DSPP: variants seen among roughly 807,000 people sequenced by gnomAD.
DSPP encodes dentin sialophosphoprotein.
In DSPP, 28 loss-of-function variants were observed where a neutral mutation model predicts 29.1. That is an observed-to-expected ratio of 0.96 (90% confidence interval 0.71 to 1.32). The LOEUF (loss-of-function observed/expected upper bound fraction) is 1.32, where lower values mean the gene tolerates loss of function less well. DSPP is among the 40% of genes most tolerant of loss of function. The probability of loss-of-function intolerance (pLI) is 0.00; values close to 1 mark genes in which losing one functional copy is unlikely to be tolerated. For missense variants in DSPP, 1,281 were observed against 1,629.9 expected (o/e 0.79, Z 3.69); for synonymous variants, 481 against 503.4 (o/e 0.96, Z 0.60).
In DSPP at chr4:87,614,807, T is replaced by A. The variant is rs1385738037; in HGVS notation, c.2145T>A (p.Ser715Arg). The A allele has an allele frequency of 9.7e-6, 15 of 1,549,098 alleles. No individual in the cohort carries two copies. Among genetic ancestry groups the A allele is most frequent in the Non-Finnish European group, 1.3e-5 (15 of 1,146,520 alleles). Residue 715 changes from serine to arginine, a missense_variant, in exon 5 of 5, where the codon AGT (serine) becomes AGA (arginine). Ser to Arg is a moderately radical substitution (Grantham distance 110). Around this residue, in one of 4 missense-constraint regions of DSPP, gnomAD observed 444 missense variants for 611.4 expected, o/e 0.73. Transcript: ENST00000651931. ...SDSSDSDSSD[S>R]SDSSNSNSSD... ...GCAGTGATAGTGACAGCAGTGATAG[T>A]AGTGACAGCAGTAATAGTAACAGCA...
Position 87,614,556 on chromosome 4 carries a change from G to C in DSPP, c.1894G>C (p.Asp632His). ...SKSDSSKSES[D>H]SSDSDSKSDS... ...GTCAGACAGCAGCAAATCAGAGAGC[G>C]ACAGCAGTGATAGTGACAGTAAGTC... The change falls in exon 5 of 5, where the codon GAC (aspartate) becomes CAC (histidine). Residue 632 changes from aspartate to histidine, a missense_variant. Asp to His is a moderately conservative substitution (Grantham distance 81, BLOSUM62 -1). Transcript: ENST00000651931. 3.2e-6 allele frequency: 5 copies of C among 1,550,122 alleles called. No homozygotes were observed. Among genetic ancestry groups the C allele is most frequent in the Non-Finnish European group, 4.4e-6 (5 of 1,146,486 alleles).
In DSPP at chr4:87,614,429, T is replaced by C; in HGVS notation, c.1767T>C (p.Asp589=). The C allele has an allele frequency of 6.4e-7, 1 of 1,555,522 alleles. No individual in the cohort carries two copies. Among genetic ancestry groups the C allele is most frequent in the East Asian group, 2.4e-5 (1 of 40,916 alleles). Residue 589 remains aspartate, a synonymous_variant, in exon 5 of 5, where the codon GAT becomes GAC. Coordinates refer to ENST00000651931, the MANE Select transcript of DSPP (RefSeq NM_014208.3). ...DSDSSDSDSS[D]SSDSDSSDSS... is the part of the protein sequence containing the mutation. Reference sequence around the variant, plus strand: ...ACAGCAGTGACAGTGACAGCAGTGATAGCAGTGACAGTGATAGTAGTGATA... The same window carrying C: ...ACAGCAGTGACAGTGACAGCAGTGACAGCAGTGACAGTGATAGTAGTGATA...
intron 1 of DSPP, among the ~76,000 whole-genome samples, chr4:87,610,124 A>G (rs1727707224): frequency 6.6e-6 from 1 of 152,174 alleles, no homozygotes; most frequent in East Asian, 1.9e-4. Context: ...AGCTTACAGG[A>G]AATCAGGGCA....
intron 1 of DSPP, among the ~76,000 whole-genome samples, chr4:87,610,255 T>G (rs2736979): frequency 0.26 from 39,915 of 152,066 alleles, 6,048 homozygotes; most frequent in East Asian, 0.57. Context: ...CAGAGAGGGC[T>G]TCTCAGAGAT....
Position 87,615,756 on chromosome 4 carries a change from G to A in DSPP, c.3094G>A (p.Asp1032Asn), listed in dbSNP as rs1389015805. The change falls in exon 5 of 5, where the codon GAC becomes AAC. Residue 1032 changes from aspartate (D) to asparagine (N), a missense_variant. Physicochemically the swap from Asp to Asn is conservative, Grantham distance 23 (BLOSUM62 1). Transcript: ENST00000651931. ...TAGCAGTGACAGCAGCAACAGCAGTGACAGCAGCGATAGCAGTGACAGCAG... is the reference window on the plus strand; with the variant it reads ...TAGCAGTGACAGCAGCAACAGCAGTAACAGCAGCGATAGCAGTGACAGCAG... ...SNSSDSSNSS[D>N]SSDSSDSSDS... 1.0e-5 allele frequency: 8 copies of A among 800,804 alleles called. No individual in the cohort carries two copies. In the East Asian group the frequency reaches 3.5e-4, roughly 35 times the overall value. The allele number at this position is 800,804 out of a possible 1,614,324, so 49.6% of individuals were successfully genotyped here.
At position 87,614,372 on chromosome 4, in the gene DSPP, C is replaced by CAGCAGTGATAGCAACAGT. The variant is rs1201598811; in HGVS notation, c.1722_1739dup (p.Asn575_Ser580dup). On this transcript the variant is annotated inframe_insertion, in exon 5 of 5. Coordinates refer to ENST00000651931, the MANE Select transcript of DSPP (RefSeq NM_014208.3). ...ATAGTAGTGACAGCAGTGACAGTGACAGCAGTGATAGCAACAGTAGCAGTG... is the reference window on the plus strand; with the variant it reads ...ATAGTAGTGACAGCAGTGACAGTGACAGCAGTGATAGCAACAGTAGCAGTGATAGCAACAGTAGCAGTG... The CAGCAGTGATAGCAACAGT allele has an allele frequency of 3.8e-6, 6 of 1,589,266 alleles. No individual in the cohort carries two copies. Among genetic ancestry groups the CAGCAGTGATAGCAACAGT allele is most frequent in the Non-Finnish European group, 4.3e-6 (5 of 1,168,050 alleles).
Position 87,613,994 on chromosome 4 carries a change from C to T in DSPP, c.1332C>T (p.Asp444=), listed in dbSNP as rs748858956. The T allele has an allele frequency of 6.2e-7, 1 of 1,614,162 alleles. No individual in the cohort carries two copies. Among genetic ancestry groups the T allele is most frequent in the Non-Finnish European group, 8.5e-7 (1 of 1,180,032 alleles). The change falls in exon 5 of 5, where the codon GAC becomes GAT. Residue 444 remains aspartate, a synonymous_variant. Coordinates refer to ENST00000651931, the MANE Select transcript of DSPP (RefSeq NM_014208.3). ...TTGGACACAGCAATACAGGTAGTGACAGCAATAGTGATGGATATGACAGTT... is the reference window on the plus strand; with the variant it reads ...TTGGACACAGCAATACAGGTAGTGATAGCAATAGTGATGGATATGACAGTT... ...NKVGHSNTGS[D]SNSDGYDSYD...
Position 87,614,869 on chromosome 4 carries a change from A to T in DSPP, c.2207A>T (p.Asp736Val), listed in dbSNP as rs1560478911. The change falls in exon 5 of 5, where the codon GAC becomes GTC. Residue 736 changes from aspartate (D) to valine (V), a missense_variant. Physicochemically the swap from Asp to Val is radical, Grantham distance 152. Transcript: ENST00000651931. ...SDSSNSSDSSDSSNSSDSSDS... is the reference protein window; with the variant it reads ...SDSSNSSDSSVSSNSSDSSDS... Reference sequence around the variant, plus strand: ...AGCAGCAACAGCAGCGATAGCAGTGACAGCAGCAACAGCAGTGACAGCAGT... The same window carrying T: ...AGCAGCAACAGCAGCGATAGCAGTGTCAGCAGCAACAGCAGTGACAGCAGT... 1 of 1,247,376 alleles carries T rather than the reference A, an allele frequency of 8.0e-7. No homozygotes were observed. Among genetic ancestry groups the T allele is most frequent in the Admixed American group, 2.1e-5 (1 of 47,128 alleles). The allele number at this position is 1,247,376 out of a possible 1,614,324, so 77.3% of individuals were successfully genotyped here.
chr4:87,615,918 GAT>G lies in DSPP; in HGVS notation c.3258_3259del (p.Asp1086GlufsTer3). The G allele has an allele frequency of 1.7e-4, 178 of 1,020,500 alleles. 6 individuals carry two copies. The highest frequency in any genetic ancestry group is 3.6e-4 in the East Asian group (12 of 33,058). The allele number at this position is 1,020,500 out of a possible 1,614,324, so 63.2% of individuals were successfully genotyped here. ...CAGCAGTGATAGCAGTGAAAGCAGT[GAT>G]AGCAGTGACAGCAGCAATAGCAGTG... ...SDSSDSSESS[D>X]SSDSSNSSDS... On this transcript the variant is annotated frameshift_variant, in exon 5 of 5. Transcript: ENST00000651931. LOFTEE classifies it low-confidence loss of function (END_TRUNC).
chr4:87,608,847 T>C (rs944239175), intron 1 of DSPP, among the ~76,000 whole-genome samples: 2 of 152,118 alleles, frequency 1.3e-5, no homozygotes, highest in African/African-American at 4.8e-5. Context: ...TACTGAAAAA[T>C]TGGCCAACTG....
chr4:87,614,308 GCAGTGA>G lies in DSPP; in HGVS notation c.1653_1658del (p.Asp553_Ser554del). The G allele has an allele frequency of 6.2e-7, 1 of 1,613,452 alleles. No homozygotes were observed. The highest frequency in any genetic ancestry group is 2.2e-5 in the East Asian group (1 of 44,848). On this transcript the variant is annotated inframe_deletion, in exon 5 of 5. Transcript: ENST00000651931. ...GACAGTGGCAAAGGTAAATCAGATA[GCAGTGA>G]CAGTGATAGTAGTGATAGCAGCAAT...
chr4:87,613,178 G>A lies in DSPP; in HGVS notation c.992G>A (p.Gly331Asp), dbSNP rs781673610. The A allele has an allele frequency of 1.2e-6, 2 of 1,613,996 alleles. No homozygotes were observed. The highest frequency in any genetic ancestry group is 1.7e-6 in the Non-Finnish European group (2 of 1,180,036). Residue 331 changes from glycine (G) to aspartate (D), a missense_variant, in exon 4 of 5, where the codon GGT becomes GAT. Coordinates refer to ENST00000651931, the MANE Select transcript of DSPP (RefSeq NM_014208.3). ...TCCAAGAGTGAGGAGAATTCTGCTG[G>A]TATTCCAGAAGACAATGGCAGCCAA... is the stretch of plus-strand genomic sequence containing the variant. Reference protein sequence around the residue: ...KTSKSEENSAGIPEDNGSQRI... With the variant: ...KTSKSEENSADIPEDNGSQRI...
Position 87,614,869 on chromosome 4 carries a change from ACAG to A in DSPP, c.2213_2215del (p.Ser738del), listed in dbSNP as rs757966895. ...AGCAGCAACAGCAGCGATAGCAGTG[ACAG>A]CAGCAACAGCAGTGACAGCAGTGAT... is the stretch of plus-strand genomic sequence containing the variant. On this transcript the variant is annotated inframe_deletion, in exon 5 of 5. Transcript: ENST00000651931. 26 of 1,247,376 alleles carry A rather than the reference ACAG, an allele frequency of 2.1e-5. No homozygotes were observed. The African/African-American group carries it at 3.0e-4, about 14-fold the overall frequency. The allele number at this position is 1,247,376 out of a possible 1,614,324, so 77.3% of individuals were successfully genotyped here. A position where few individuals can be genotyped will look rare whatever the true frequency, so the allele number is the denominator to read the frequency against.
rs202057495 is a variant in DSPP, at chr4:87,614,678, T to C, written c.2016T>C (p.Ser672=). The C allele has an allele frequency of 2.5e-5, 28 of 1,136,030 alleles. No individual in the cohort carries two copies. Among genetic ancestry groups the C allele is most frequent in the South Asian group, 1.8e-4 (12 of 65,044 alleles). The allele number at this position is 1,136,030 out of a possible 1,614,324, so 70.4% of individuals were successfully genotyped here. A position where few individuals can be genotyped will look rare whatever the true frequency, so the allele number is the denominator to read the frequency against. ...SSNSSDSSDS[S]DSSDSSSSSD... Reference sequence around the variant, plus strand: ...ACAGCAGTGATAGTAGTGACAGCAGTGATAGCAGTGACAGCAGCAGTAGCA... The same window carrying C: ...ACAGCAGTGATAGTAGTGACAGCAGCGATAGCAGTGACAGCAGCAGTAGCA... The change falls in exon 5 of 5, where the codon AGT becomes AGC. Residue 672 remains serine (S), a synonymous_variant. Coordinates refer to ENST00000651931, the MANE Select transcript of DSPP (RefSeq NM_014208.3).
In DSPP at chr4:87,615,390, AACAGCAGTG is replaced by A. The variant is rs111456637; in HGVS notation, c.2739_2747del (p.Asp916_Ser918del). 100,175 of 1,532,976 alleles carry A rather than the reference AACAGCAGTG, an allele frequency of 0.065. 6,254 individuals carry two copies. The highest frequency in any genetic ancestry group is 0.33 in the African/African-American group (23,567 of 71,912). 95.0% of individuals were successfully genotyped at this position (1,532,976 alleles called of 1,614,324 possible). A position where few individuals can be genotyped will look rare whatever the true frequency, so the allele number is the denominator to read the frequency against. ...TGATAGTGACAGCAGTGATAGCAGC[AACAGCAGTG>A]ACAGCAGTGATAGCAGCAACAGCAG... On this transcript the variant is annotated inframe_deletion, in exon 5 of 5. Coordinates refer to ENST00000651931, the MANE Select transcript of DSPP (RefSeq NM_014208.3).
chr4:87,615,283 G>C lies in DSPP; in HGVS notation c.2621G>C (p.Ser874Thr). 1 of 1,513,646 alleles carries C rather than the reference G, an allele frequency of 6.6e-7. No individual in the cohort carries two copies. The highest frequency in any genetic ancestry group is 8.9e-7 in the Non-Finnish European group (1 of 1,129,120). 93.8% of individuals were successfully genotyped at this position (1,513,646 alleles called of 1,614,324 possible). A position where few individuals can be genotyped will look rare whatever the true frequency, so the allele number is the denominator to read the frequency against. The change falls in exon 5 of 5, where the codon AGC (serine) becomes ACC (threonine). Residue 874 changes from serine (S) to threonine (T), a missense_variant. By Grantham distance (58) the Ser-to-Thr change is moderately conservative. Transcript: ENST00000651931. ...GACAGCAGCGATAGCAGTGACAGCA[G>C]CAACAGCAGTGACAGCAGTGATAGC... ...SSDSSDSSDS[S>T]NSSDSSDSSD...
chr4:87,609,437 G>T (rs773853772), intron 1 of DSPP, among the ~76,000 whole-genome samples: 2 of 152,194 alleles, frequency 1.3e-5, no homozygotes, highest in Non-Finnish European at 2.9e-5. Context: ...CAGGATAACT[G>T]TGGCTTAGTA....
rs1727789439 is a variant in DSPP, at chr4:87,613,798, A to G, written c.1136A>G (p.Lys379Arg). Residue 379 changes from lysine to arginine, a missense_variant, in exon 5 of 5, where the codon AAG (lysine) becomes AGG (arginine). Coordinates refer to ENST00000651931, the MANE Select transcript of DSPP (RefSeq NM_014208.3). The stretch of plus-strand genomic sequence containing the variant: ...ATCCTTCCATAGGGAATAGAAATCA[A>G]GGGTCCCAGCAGTGGCAACAGAAAT... ...GKSQDKGIEI[K>R]GPSSGNRNIT... 1.2e-6 allele frequency: 2 copies of G among 1,614,216 alleles called. No individual in the cohort carries two copies. The highest frequency in any genetic ancestry group is 1.7e-6 in the Non-Finnish European group (2 of 1,180,024).
intron 1 of DSPP, 102 bp downstream of exon 1, chr4:87,608,722 C>T (rs1727681054): frequency 6.6e-6 from 1 of 152,160 alleles, no homozygotes; most frequent in African/African-American, 2.4e-5. Context: ...GCGAGTACCC[C>T]TTAATGATTA....
Sources: allele counts gnomAD v4.1 joint callset (sites outside exome capture counted in the v4.1 genomes callset), GRCh38; gene constraint gnomAD v4.1.1; regional missense constraint gnomAD v4.1.1; transcripts MANE v1.5; gene names NCBI Gene and HGNC (gene_info 2026-07-23, HGNC 2026-07-21).